TEC: variants seen among roughly 807,000 people sequenced by gnomAD.
TEC encodes the protein tyrosine-protein kinase Tec.
In TEC, 72 loss-of-function variants were observed where a neutral mutation model predicts 93.0. That is an observed-to-expected ratio of 0.77 (90% CI 0.64 to 0.94). The LOEUF is 0.94. TEC is among the 40% of genes least tolerant of loss of function. The pLI is 0.00. For missense variants in TEC, 630 were observed against 757.9 expected (o/e 0.83, Z 1.98); for synonymous variants, 249 against 247.7 (o/e 1.01, Z -0.05).
chr4:48,176,799 A>G (rs1309970722), intron 2 of TEC, among the ~76,000 whole-genome samples: 1 of 152,186 alleles, frequency 6.6e-6, no homozygotes, highest in Non-Finnish European at 1.5e-5. Flanking sequence ...AATTTGTTCA[A>G]CTTCTTCATG....
chr4:48,170,830 C>G (rs1383428857), intron 4 of TEC, among the ~76,000 whole-genome samples: 1 of 152,190 alleles, frequency 6.6e-6, no homozygotes, highest in Non-Finnish European at 1.5e-5. Flanking sequence ...GTGGGCAGAT[C>G]ACCTGAGGTC....
chr4:48,219,554 A>C, intron 2 of TEC, among the ~76,000 whole-genome samples: 1 of 152,218 alleles, frequency 6.6e-6, no homozygotes. Context: ...TGAAAGTCTT[A>C]AAGTCTTTGA....
intron 9 of TEC, chr4:48,155,834 T>C (rs1332482093): frequency 6.6e-6 from 1 of 152,152 alleles, no homozygotes; most frequent in Non-Finnish European, 1.5e-5. Context: ...CCAAGGTGAA[T>C]GGACAACATC....
intron 7 of TEC, among the ~76,000 whole-genome samples, chr4:48,165,358 G>C (rs543102318): frequency 6.6e-6 from 1 of 152,118 alleles, no homozygotes; most frequent in African/African-American, 2.4e-5. Flanking sequence ...TTTCCTTCAT[G>C]AACTAAATGA....
rs1237293687 is a variant in TEC at position 48,141,361 on chromosome 4, A to G, written c.1529T>C (p.Met510Thr). The G allele has an allele frequency of 1.9e-6, 3 of 1,613,788 alleles. No individual in the cohort carries two copies. The highest frequency in any genetic ancestry group is 2.5e-6 in the Non-Finnish European group (3 of 1,179,936). Residue 510 changes from methionine to threonine, a missense_variant, in exon 15 of 18, where the codon ATG becomes ACG. Met to Thr is a moderately conservative substitution (Grantham distance 81). Around this residue, in one of 3 missense-constraint regions of TEC, gnomAD observed 289 missense variants for 390.0 expected, o/e 0.74. Coordinates refer to ENST00000381501, the MANE Select transcript of TEC (RefSeq NM_003215.3). ...CACGTATACTTGGACATACCTGGCC[A>G]TTCCAAAATCAGATACTTTTACAAC... ...AGVVKVSDFG[M>T]ARYVLDDQYT...
At chr4:48,266,322 T>C (rs941815747) in intron 1 of TEC, among the ~76,000 whole-genome samples, 1 of 152,122 alleles carries the variant, frequency 6.6e-6, no homozygotes, top group African/African-American at 2.4e-5. Flanking sequence ...TCCAGAATGA[T>C]GACAAAGGGA....
intron 1 of TEC, among the ~76,000 whole-genome samples, chr4:48,265,958 T>A (rs565522028): frequency 1.3e-5 from 2 of 152,204 alleles, no homozygotes; most frequent in Non-Finnish European, 2.9e-5. Flanking sequence ...GAGAAAATTC[T>A]ATAAACTTCA....
chr4:48,261,742 G>A (rs950284611), intron 1 of TEC, among the ~76,000 whole-genome samples: 2 of 152,086 alleles, frequency 1.3e-5, no homozygotes, highest in African/African-American at 2.4e-5. Context: ...AAAGTCTGTC[G>A]CTTTGATACT....
At chr4:48,231,166 C>A (rs367962726) in intron 1 of TEC, among the ~76,000 whole-genome samples, 26 of 152,282 alleles carry the variant, frequency 1.7e-4, no homozygotes, top group Middle Eastern at 3.4e-3. Flanking sequence ...TTGAGAGCCA[C>A]TATCTTAAAG....
intron 7 of TEC, among the ~76,000 whole-genome samples, chr4:48,167,056 G>A (rs549008343): frequency 6.6e-5 from 10 of 151,996 alleles, no homozygotes; most frequent in Admixed American, 5.9e-4. Flanking sequence ...CACTGCAGAG[G>A]TAAACACAGG....
intron 1 of TEC, among the ~76,000 whole-genome samples, chr4:48,264,844 G>C (rs1259055256): frequency 1.3e-5 from 2 of 151,808 alleles, no homozygotes; most frequent in African/African-American, 4.8e-5. Context: ...TCACCATGTT[G>C]GCCAGGCTGG....
intron 1 of TEC, among the ~76,000 whole-genome samples, chr4:48,243,915 A>G (rs7681186): frequency 0.54 from 80,673 of 149,906 alleles, 22,017 homozygotes; most frequent in East Asian, 0.67. Context: ...ATGTATACCT[A>G]TGTAACAAAC....
intron 7 of TEC, among the ~76,000 whole-genome samples, chr4:48,166,257 C>T (rs1164299807): frequency 1.3e-5 from 2 of 151,990 alleles, no homozygotes; most frequent in Non-Finnish European, 2.9e-5. Flanking sequence ...CCCCCCAGAG[C>T]CAGCTTTCCA....
chr4:48,220,461 C>T (rs1003591871), intron 2 of TEC, among the ~76,000 whole-genome samples: 2 of 151,926 alleles, frequency 1.3e-5, no homozygotes, highest in African/African-American at 4.8e-5. Flanking sequence ...ACTCTGAGTT[C>T]ATGTGAGATC....
At chr4:48,192,435 C>T (rs761660317) in intron 2 of TEC, among the ~76,000 whole-genome samples, 4 of 152,058 alleles carry the variant, frequency 2.6e-5, no homozygotes, top group Non-Finnish European at 5.9e-5. Context: ...GTTGTAGTGA[C>T]GGTTTCATGG....
In TEC at chr4:48,145,125, T is replaced by C. The variant is rs759796647; in HGVS notation, c.1424A>G (p.Glu475Gly). The C allele has an allele frequency of 6.8e-6, 11 of 1,613,994 alleles. No individual in the cohort carries two copies. The East Asian group carries it at 2.5e-4, about 36-fold the overall frequency. ...GTTTCTCTCCAGATACTCCATCCCTTCACACACATCCTGACACATGCTCAG... is the reference window on the plus strand; with the variant it reads ...GTTTCTCTCCAGATACTCCATCCCTCCACACACATCCTGACACATGCTCAG... The part of the protein sequence containing the change: ...VLLSMCQDVC[E>G]GMEYLERNSF... Residue 475 changes from glutamate to glycine, a missense_variant, in exon 14 of 18, where the codon GAA (glutamate) becomes GGA (glycine). Glu to Gly is a moderately conservative substitution (Grantham distance 98). Coordinates refer to ENST00000381501, the MANE Select transcript of TEC (RefSeq NM_003215.3).
chr4:48,141,344 C>T lies in TEC; in HGVS notation c.1535+11G>A. 6.2e-7 allele frequency: 1 copy of T among 1,612,576 alleles called. No homozygotes were observed. Among genetic ancestry groups the T allele is most frequent in the Non-Finnish European group, 8.5e-7 (1 of 1,178,932 alleles). Reference sequence around the variant, plus strand: ...CAAACATCACCTAAAACCACGTATACTTGGACATACCTGGCCATTCCAAAA... The same window carrying T: ...CAAACATCACCTAAAACCACGTATATTTGGACATACCTGGCCATTCCAAAA... On this transcript the variant is annotated intron_variant, in intron 15 of 17. Transcript: ENST00000381501.
In TEC at chr4:48,168,602, G is replaced by T; in HGVS notation, c.479C>A (p.Ala160Glu). 6.2e-7 allele frequency: 1 copy of T among 1,607,236 alleles called. No homozygotes were observed. The highest frequency in any genetic ancestry group is 1.1e-5 in the South Asian group (1 of 89,038). Residue 160 changes from alanine (A) to glutamate (E), a missense_variant, in exon 6 of 18, where the codon GCA becomes GAA. This residue lies in a region of TEC where 335 missense variants were observed against 351.5 expected (regional missense o/e 0.95). Transcript: ENST00000381501. ...ESSIRKALPP[A>E]PETKKRRPPP... ...ACCACCTACCTTCTTTGTTTCTGGT[G>T]CTGGAGGTAGTGCTTTTCTTATACC...
intron 9 of TEC, among the ~76,000 whole-genome samples, chr4:48,154,361 C>T (rs377581438): frequency 2.0e-5 from 3 of 152,198 alleles, no homozygotes; most frequent in Non-Finnish European, 4.4e-5. Context: ...GCTTCTGTGA[C>T]CTTCTTGACA....
Sources: allele counts gnomAD v4.1 joint callset (sites outside exome capture counted in the v4.1 genomes callset), GRCh38; gene constraint gnomAD v4.1.1; regional missense constraint gnomAD v4.1.1; transcripts MANE v1.5; gene names NCBI Gene and HGNC (gene_info 2026-07-23, HGNC 2026-07-21).